KLHDC1: variants seen among roughly 807,000 people sequenced by gnomAD.
KLHDC1 encodes the protein kelch domain containing 1, also known as kelch domain-containing protein 1.
A neutral mutation model predicts 68.3 loss-of-function variants in KLHDC1; 53 were observed. The ratio of observed to expected loss-of-function variants is 0.78; its 90% CI spans 0.62 to 0.98. The LOEUF (loss-of-function observed/expected upper bound fraction) is 0.98. Ranked by LOEUF, KLHDC1 falls within the 50% of genes least tolerant of loss-of-function variation. The probability of loss-of-function intolerance (pLI) is 0.00; values close to 1 mark genes in which losing one functional copy is unlikely to be tolerated. For missense variants in KLHDC1, 470 were observed against 492.3 expected (o/e 0.95, Z 0.43); for synonymous variants, 148 against 159.0 (o/e 0.93, Z 0.52).
At chr14:49,697,765 C>G (rs550371305) in intron 1 of KLHDC1, among the ~76,000 whole-genome samples, 1 of 152,280 alleles carries the variant, frequency 6.6e-6, no homozygotes, top group South Asian at 2.1e-4. Flanking sequence ...TGAGTGCTTA[C>G]TACATCTGGC....
chr14:49,702,788 G>T (rs1887944192), intron 1 of KLHDC1, among the ~76,000 whole-genome samples: 1 of 152,126 alleles, frequency 6.6e-6, no homozygotes, highest in South Asian at 2.1e-4. Context: ...GACTCCATTG[G>T]TTAGATGAAT....
rs59444333 is a variant in KLHDC1, at chr14:49,705,365, C to CTTTTTTTTTTTTTTTTTTTTTT, written c.97-3773_97-3772insTTTTTTTTTTTTTTTTTTTTTT. Among the ~76,000 whole-genome samples the CTTTTTTTTTTTTTTTTTTTTTT allele has an allele frequency of 6.4e-4, 46 of 71,670 alleles. 12 individuals carry two copies. The highest frequency in any genetic ancestry group is 1.9e-3 in the African/African-American group (35 of 18,332). The allele number at this position is 71,670 out of a possible 152,430, so 47.0% of individuals were successfully genotyped here. A position where few individuals can be genotyped will look rare whatever the true frequency, so the allele number is the denominator to read the frequency against. The stretch of plus-strand genomic sequence containing the variant: ...TCACTTTCATAATATTTCTTTCTTT[C>CTTTTTTTTTTTTTTTTTTTTTT]TTTTTTTTTTTTTTTTTTTTTGAGA... On this transcript the variant is annotated intron_variant, in intron 1 of 12. Coordinates refer to ENST00000359332, the MANE Select transcript of KLHDC1 (RefSeq NM_172193.3).
intron 4 of KLHDC1, among the ~76,000 whole-genome samples, chr14:49,714,724 A>C (rs975040439): frequency 8.6e-5 from 13 of 151,632 alleles, no homozygotes; most frequent in South Asian, 6.2e-4. Context: ...TGAATCATAT[A>C]CTCATGTATA....
In KLHDC1 at chr14:49,733,787, A is replaced by G. The variant is rs192576843; in HGVS notation, c.824-802A>G. On this transcript the variant is annotated intron_variant, in intron 9 of 12. Coordinates refer to ENST00000359332, the MANE Select transcript of KLHDC1 (RefSeq NM_172193.3). The stretch of plus-strand genomic sequence containing the variant: ...ATGTTTTCATTAAGAAACATTATAC[A>G]CTATTACAACATTTATATAATTATA... Among the ~76,000 whole-genome samples, 191 of 152,098 alleles carry G rather than the reference A, an allele frequency of 1.3e-3. No homozygotes were observed. In the East Asian group the frequency reaches 0.018, roughly 14 times the overall value.
intron 8 of KLHDC1, among the ~76,000 whole-genome samples, chr14:49,732,437 T>A (rs1888833769): frequency 6.6e-6 from 1 of 152,158 alleles, no homozygotes; most frequent in South Asian, 2.1e-4. Flanking sequence ...CCTCCCAAAG[T>A]GTTGGAATTA....
chr14:49,703,243 A>G (rs1243772070), intron 1 of KLHDC1, among the ~76,000 whole-genome samples: 1 of 151,988 alleles, frequency 6.6e-6, no homozygotes, highest in Non-Finnish European at 1.5e-5. Context: ...CATACAGGTT[A>G]CCACTATCTT....
chr14:49,712,859 T>G (rs1888243342), intron 4 of KLHDC1, among the ~76,000 whole-genome samples: 1 of 151,778 alleles, frequency 6.6e-6, no homozygotes, highest in African/African-American at 2.4e-5. Context: ...AGCCTGGCCT[T>G]GAACTCCTGA....
intron 12 of KLHDC1, 103 bp from the exon 13 acceptor site, chr14:49,751,483 G>A (rs1445119174): frequency 1.9e-6 from 1 of 526,676 alleles, no homozygotes; most frequent in Non-Finnish European, 3.1e-6. Flanking sequence ...ATCTGTGAAA[G>A]TCCAATACTA....
Position 49,709,806 on chromosome 14 carries a change from G to A in KLHDC1, c.265G>A (p.Asp89Asn). Residue 89 changes from aspartate (D) to asparagine (N), a missense_variant, in exon 3 of 13, where the codon GAC becomes AAC. Physicochemically the swap from Asp to Asn is conservative, Grantham distance 23 (BLOSUM62 1). Transcript: ENST00000359332. ...GKLYIFGGYD[D>N]KGYSNRLYFV... The stretch of plus-strand genomic sequence containing the variant: ...GCTGTACATTTTTGGAGGATATGAT[G>A]ACAAAGGATACAGCAATCGAGTAAT... 1.3e-6 allele frequency: 2 copies of A among 1,585,582 alleles called. No individual in the cohort carries two copies. The highest frequency in any genetic ancestry group is 1.7e-6 in the Non-Finnish European group (2 of 1,162,146).
At chr14:49,693,885 C>T (rs34929415) in intron 1 of KLHDC1, among the ~76,000 whole-genome samples, 4 of 151,460 alleles carry the variant, frequency 2.6e-5, no homozygotes, top group African/African-American at 7.3e-5. Context: ...TCCCTAGTAG[C>T]TGGGCTTACC....
At chr14:49,738,027 G>T (rs1888972513) in intron 10 of KLHDC1, among the ~76,000 whole-genome samples, 1 of 151,814 alleles carries the variant, frequency 6.6e-6, no homozygotes, top group Non-Finnish European at 1.5e-5. Context: ...TTAGTATTTG[G>T]GTTTTTTTGT....
intron 6 of KLHDC1, among the ~76,000 whole-genome samples, chr14:49,726,670 A>C (rs1469143659): frequency 6.6e-6 from 1 of 152,242 alleles, no homozygotes; most frequent in African/African-American, 2.4e-5. Flanking sequence ...CACAAATTCA[A>C]ATTAGTTTAA....
At chr14:49,702,006 T>TA (rs925509222) in intron 1 of KLHDC1, among the ~76,000 whole-genome samples, 2 of 151,794 alleles carry the variant, frequency 1.3e-5, no homozygotes, top group African/African-American at 4.8e-5. Flanking sequence ...TCGTCTCTAC[T>TA]AAAAATACAA....
At chr14:49,725,806 T>C in intron 6 of KLHDC1, 37 bp downstream of exon 6, 1 of 1,093,264 alleles carries the variant, frequency 9.1e-7, no homozygotes, top group Non-Finnish European at 1.3e-6. Flanking sequence ...TATATTTGTA[T>C]TTAAAAATAA....
chr14:49,745,130 TAAAG>T (rs1889170179), intron 12 of KLHDC1, among the ~76,000 whole-genome samples: 1 of 152,024 alleles, frequency 6.6e-6, no homozygotes, highest in Non-Finnish European at 1.5e-5. Flanking sequence ...AAGAGAGAGA[TAAAG>T]AGAGGGGACA....
intron 10 of KLHDC1, among the ~76,000 whole-genome samples, chr14:49,738,397 G>A (rs573446691): frequency 5.4e-5 from 8 of 148,264 alleles, no homozygotes; most frequent in African/African-American, 2.0e-4. Context: ...GGGGTGCAGT[G>A]GTGTGATGTC....
At position 49,728,843 on chromosome 14, in the gene KLHDC1, G is replaced by T. The variant is rs571637679; in HGVS notation, c.568-83G>T. On this transcript the variant is annotated intron_variant, in intron 6 of 12. Transcript: ENST00000359332. ...TAGGTAATGATAACTTAGTGATTAA[G>T]ACTTTCACATACTGAGCATAGGAAT... 3.1e-6 allele frequency: 3 copies of T among 969,328 alleles called. No homozygotes were observed. In the South Asian group the frequency reaches 4.1e-5, roughly 13 times the overall value. The allele number at this position is 969,328 out of a possible 1,614,324, so 60.0% of individuals were successfully genotyped here.
chr14:49,725,278 T>G (rs1253796588), intron 5 of KLHDC1, among the ~76,000 whole-genome samples: 2 of 18,024 alleles, frequency 1.1e-4, no homozygotes, highest in Non-Finnish European at 2.3e-4. Context: ...TGATTGGAAG[T>G]TTTTGGGAAC....
intron 1 of KLHDC1, among the ~76,000 whole-genome samples, chr14:49,708,021 T>C (rs763406794): frequency 5.3e-5 from 8 of 151,644 alleles, no homozygotes; most frequent in African/African-American, 1.7e-4. Context: ...TAATAACTTA[T>C]GTATTATATA....
Sources: allele counts gnomAD v4.1 joint callset (sites outside exome capture counted in the v4.1 genomes callset), GRCh38; gene constraint gnomAD v4.1.1; transcripts MANE v1.5; gene names NCBI Gene and HGNC (gene_info 2026-07-23, HGNC 2026-07-21).